Variants in OSBPL2 observed in about 807,000 individuals in gnomAD.
OSBPL2 encodes the protein oxysterol binding protein like 2, also known as oxysterol-binding protein-related protein 2.
OSBPL2 carries 18 observed loss-of-function variants against 58.4 expected under a neutral mutation model. The observed-to-expected ratio is 0.31, with a 90% confidence interval of 0.21 to 0.46. The LOEUF (loss-of-function observed/expected upper bound fraction) is 0.46. OSBPL2 is among the 20% of genes least tolerant of loss of function. OSBPL2 has a pLI of 1.00. For synonymous variants in OSBPL2, 221 were observed against 234.1 expected (o/e 0.94, Z 0.51); for missense variants, 461 against 616.5 (o/e 0.75, Z 2.67).
At chr20:62,258,344 T>C (rs1487893597) in intron 2 of OSBPL2, among the ~76,000 whole-genome samples, 1 of 152,226 alleles carries the variant, frequency 6.6e-6, no homozygotes, top group African/African-American at 2.4e-5. Flanking sequence ...CATCTGACTT[T>C]GTAACTCTAA....
rs1282196549 is a variant in OSBPL2, at chr20:62,286,592, T to G, written c.1006T>G (p.Ser336Ala). Reference sequence around the variant, plus strand: ...GGGTTCTGTGTTTCAGGATGAAGACTCCGGGAAGGCTGACAGCGACGTGGC... The same window carrying G: ...GGGTTCTGTGTTTCAGGATGAAGACGCCGGGAAGGCTGACAGCGACGTGGC... ...HLRKAKLDED[S>A]GKADSDVADD... The change falls in exon 11 of 14, where the codon TCC (serine) becomes GCC (alanine). Residue 336 changes from serine to alanine, a missense_variant. By Grantham distance (99) the Ser-to-Ala change is moderately conservative (BLOSUM62 1). Transcript: ENST00000313733. 1 of 1,613,112 alleles carries G rather than the reference T, an allele frequency of 6.2e-7. No homozygotes were observed. Among genetic ancestry groups the G allele is most frequent in the Admixed American group, 1.7e-5 (1 of 59,994 alleles).
intron 2 of OSBPL2, among the ~76,000 whole-genome samples, chr20:62,257,042 T>C (rs567366236): frequency 6.6e-6 from 1 of 152,266 alleles, no homozygotes; most frequent in East Asian, 1.9e-4. Flanking sequence ...CAGAAAGGAG[T>C]GGCTTTGGAA....
At chr20:62,271,134 A>G (rs1982027966) in intron 4 of OSBPL2, among the ~76,000 whole-genome samples, 1 of 151,990 alleles carries the variant, frequency 6.6e-6, no homozygotes, top group South Asian at 2.1e-4. Flanking sequence ...CTGAGGTGAC[A>G]GCTGTGTTTC....
chr20:62,264,658 G>T (rs1422750352), intron 4 of OSBPL2: 2 of 152,114 alleles, frequency 1.3e-5, no homozygotes, highest in Non-Finnish European at 2.9e-5. Flanking sequence ...ATAGCACAGA[G>T]CATTCCTGTA....
intron 1 of OSBPL2, among the ~76,000 whole-genome samples, chr20:62,242,980 G>A (rs975938649): frequency 6.6e-6 from 1 of 152,174 alleles, no homozygotes; most frequent in Non-Finnish European, 1.5e-5. Context: ...CCTGTGCTTT[G>A]TACTGAATAA....
Position 62,256,104 on chromosome 20 carries a change from C to T in OSBPL2, c.-81C>T. ...TTCCAAGAGAAAGTTTGTAAAATTC[C>T]TTACACTGTAGATGTGGATCAGATA... On this transcript the variant is annotated 5_prime_UTR_variant, in exon 2 of 14. Coordinates refer to ENST00000313733, the MANE Select transcript of OSBPL2 (RefSeq NM_144498.4). 2 of 1,509,852 alleles carry T rather than the reference C, an allele frequency of 1.3e-6. No individual in the cohort carries two copies. The highest frequency in any genetic ancestry group is 1.9e-5 in the Admixed American group (1 of 53,178). 93.5% of individuals were successfully genotyped at this position (1,509,852 alleles called of 1,614,324 possible).
intron 12 of OSBPL2, among the ~76,000 whole-genome samples, chr20:62,290,389 C>T (rs1002649781): frequency 6.7e-6 from 1 of 149,210 alleles, no homozygotes; most frequent in South Asian, 2.2e-4. Flanking sequence ...GTGCATGCCA[C>T]TACACCTGGC....
chr20:62,279,298 G>A lies in OSBPL2; in HGVS notation c.633G>A (p.Val211=). Residue 211 remains valine (V), a synonymous_variant, in exon 7 of 14, where the codon GTG becomes GTA. Coordinates refer to ENST00000313733, the MANE Select transcript of OSBPL2 (RefSeq NM_144498.4). ...AGCTCAAGTTCTGGGGCAAAAGCGT[G>A]GAGGCGGAGCCCCGAGGCACCATCA... ...YPKLKFWGKS[V]EAEPRGTITL... is the part of the protein sequence containing the mutation. 1 of 1,614,248 alleles carries A rather than the reference G, an allele frequency of 6.2e-7. No individual in the cohort carries two copies. Among genetic ancestry groups the A allele is most frequent in the Non-Finnish European group, 8.5e-7 (1 of 1,180,048 alleles).
intron 1 of OSBPL2, among the ~76,000 whole-genome samples, chr20:62,249,167 T>C (rs919632963): frequency 1.3e-5 from 2 of 152,046 alleles, no homozygotes; most frequent in Admixed American, 6.5e-5. Flanking sequence ...GAACTGAGAC[T>C]CACTGGGGCC....
intron 1 of OSBPL2, among the ~76,000 whole-genome samples, chr20:62,246,135 C>T (rs928354135): frequency 2.4e-4 from 37 of 152,268 alleles, no homozygotes; most frequent in Non-Finnish European, 4.4e-4. Flanking sequence ...GCTCTCGCTG[C>T]TGCCGCCGCC....
intron 13 of OSBPL2, among the ~76,000 whole-genome samples, chr20:62,292,564 A>G (rs1237698468): frequency 6.6e-6 from 1 of 152,244 alleles, no homozygotes; most frequent in African/African-American, 2.4e-5. Context: ...AGAACCATTG[A>G]ATAAGGATTC....
At position 62,294,767 on chromosome 20, in the gene OSBPL2, CTGTTTTTCCCAGTATGCATGTTTA is replaced by C; in HGVS notation, c.*881_*904del. On this transcript the variant is annotated 3_prime_UTR_variant, in exon 14 of 14. Coordinates refer to ENST00000313733, the MANE Select transcript of OSBPL2 (RefSeq NM_144498.4). Reference sequence around the variant, plus strand: ...GTGTACCCATAGCACTCTTGTGTTTCTGTTTTTCCCAGTATGCATGTTTAAAATAGAAGTGACAAGAATCACATC... The same window carrying C: ...GTGTACCCATAGCACTCTTGTGTTTCAAATAGAAGTGACAAGAATCACATC... 6.6e-6 allele frequency: 1 copy of C among 152,322 alleles called. No homozygotes were observed. Among genetic ancestry groups the C allele is most frequent in the East Asian group, 1.9e-4 (1 of 5,190 alleles). The allele number at this position is 152,322 out of a possible 1,614,324, so 9.4% of individuals were successfully genotyped here. A position where few individuals can be genotyped will look rare whatever the true frequency, so the allele number is the denominator to read the frequency against.
chr20:62,273,114 G>C (rs148241732), intron 5 of OSBPL2, among the ~76,000 whole-genome samples, 195 bp from the exon 6 acceptor site: 1 of 152,168 alleles, frequency 6.6e-6, no homozygotes, highest in African/African-American at 2.4e-5. Flanking sequence ...CTGTGCTGTC[G>C]GGGGAGTGGC....
chr20:62,246,694 T>C (rs1980138292), intron 1 of OSBPL2, among the ~76,000 whole-genome samples: 1 of 152,148 alleles, frequency 6.6e-6, no homozygotes. Context: ...TGAAGAGAGC[T>C]GCGCCCCTGT....
At chr20:62,263,723 G>T in intron 4 of OSBPL2, 32 bp downstream of exon 4, 1 of 1,574,926 alleles carries the variant, frequency 6.3e-7, no homozygotes, top group Non-Finnish European at 8.7e-7. Context: ...CACACATGGG[G>T]CTGCACCACT....
At chr20:62,263,848 G>A (rs1014559643) in intron 4 of OSBPL2, among the ~76,000 whole-genome samples, 157 bp downstream of exon 4, 7 of 152,114 alleles carry the variant, frequency 4.6e-5, no homozygotes, top group African/African-American at 1.7e-4. Context: ...GGCGGATCAC[G>A]AGGTCAGGAG....
chr20:62,253,193 G>A (rs571692331), intron 1 of OSBPL2, among the ~76,000 whole-genome samples: 6 of 152,376 alleles, frequency 3.9e-5, no homozygotes, highest in African/African-American at 1.4e-4. Context: ...GCACCTGTGT[G>A]CCTTGTTCAT....
rs1343321297 is a variant in OSBPL2 at position 62,253,126 on chromosome 20, C to G, written c.-128-2931C>G. On this transcript the variant is annotated intron_variant, in intron 1 of 13. Coordinates refer to ENST00000313733, the MANE Select transcript of OSBPL2 (RefSeq NM_144498.4). ...CCGGGAGGCACCCAAGGCCGTCTCT[C>G]GGGGTTCAGTGCCTGGATGTGTGAA... is the stretch of plus-strand genomic sequence containing the variant. Among the ~76,000 whole-genome samples the G allele has an allele frequency of 2.0e-5, 3 of 152,274 alleles. No individual in the cohort carries two copies. The South Asian group carries it at 6.2e-4, about 31-fold the overall frequency.
chr20:62,286,464 G>T, intron 10 of OSBPL2, 119 bp from the exon 11 acceptor site: 1 of 1,133,054 alleles, frequency 8.8e-7, no homozygotes, highest in South Asian at 1.5e-5. Flanking sequence ...AAAAAAAAAG[G>T]AGAAGGCTGC....
Sources: gnomAD v4.1 joint callset for allele counts (sites outside exome capture counted in the v4.1 genomes callset) on GRCh38, gnomAD v4.1.1 for gene constraint, MANE v1.5 for transcripts, NCBI Gene and HGNC (gene_info 2026-07-23, HGNC 2026-07-21) for gene names.